Variants in BICD1 observed in about 807,000 individuals in gnomAD.
BICD1 encodes the protein BICD cargo adaptor 1, also known as protein bicaudal D homolog 1.
A neutral mutation model predicts 92.5 loss-of-function variants in BICD1; 35 were observed. That is an observed-to-expected ratio of 0.38 (90% CI 0.29 to 0.50). The LOEUF (loss-of-function observed/expected upper bound fraction) is 0.50. BICD1 is among the 20% of genes least tolerant of loss of function. The pLI is 0.93. For missense variants in BICD1, 950 were observed against 1,189.8 expected (o/e 0.80, Z 2.97); for synonymous variants, 429 against 465.1 (o/e 0.92, Z 1.00).
chr12:32,120,464 CTTTG>C lies in BICD1; in HGVS notation c.213+12924_213+12927del, dbSNP rs576195917. Reference sequence around the variant, plus strand: ...TGATAGAAGGTTCAGAATGATGGGTCTTTGTTTTTCTCTTGCATACTGCAGAGTA... The same window carrying C: ...TGATAGAAGGTTCAGAATGATGGGTCTTTTTCTCTTGCATACTGCAGAGTA... On this transcript the variant is annotated intron_variant, in intron 1 of 9. Transcript: ENST00000652176. 3.8e-3 allele frequency among the ~76,000 whole-genome samples: 582 copies of C among 152,214 alleles called. 9 individuals are homozygous for C. Among genetic ancestry groups the C allele is most frequent in the Middle Eastern group, 3.4e-3 (1 of 294 alleles).
chr12:32,185,380 C>T, intron 1 of BICD1, among the ~76,000 whole-genome samples: 1 of 152,024 alleles, frequency 6.6e-6, no homozygotes, highest in East Asian at 1.9e-4. Context: ...GGTAACAAAC[C>T]CCAAAATTTC....
chr12:32,328,387 C>T lies in BICD1; in HGVS notation c.1932C>T (p.Asp644=). ...TCAAGCATCTGCAGAAAGCTGTGGA[C>T]CGGTCCTTGCAACTGTCTCGTCAAA... The part of the protein sequence containing the change: ...DQIKHLQKAV[D]RSLQLSRQRA... The change falls in exon 5 of 10, where the codon GAC becomes GAT. Residue 644 remains aspartate (D), a synonymous_variant. Coordinates refer to ENST00000652176, the MANE Select transcript of BICD1 (RefSeq NM_001714.4). The surrounding 1 kb of genome is among the most constrained non-coding windows in gnomAD (Gnocchi z 4.4). The T allele has an allele frequency of 6.2e-7, 1 of 1,614,228 alleles. No individual in the cohort carries two copies. The highest frequency in any genetic ancestry group is 1.1e-5 in the South Asian group (1 of 91,084).
chr12:32,210,317 C>T (rs2121549805), intron 1 of BICD1, among the ~76,000 whole-genome samples: 1 of 152,130 alleles, frequency 6.6e-6, no homozygotes, highest in South Asian at 2.1e-4. Context: ...CACGTTCTGC[C>T]ACAGTTTTTG....
At chr12:32,167,581 A>C (rs1943803912) in intron 1 of BICD1, among the ~76,000 whole-genome samples, 1 of 152,030 alleles carries the variant, frequency 6.6e-6, no homozygotes, top group Non-Finnish European at 1.5e-5. Flanking sequence ...TCAGCCTCCC[A>C]AGTAGTTAGG....
At chr12:32,146,986 C>A (rs1943133299) in intron 1 of BICD1, among the ~76,000 whole-genome samples, 2 of 151,526 alleles carry the variant, frequency 1.3e-5, no homozygotes, top group Non-Finnish European at 2.9e-5. Context: ...GTCACCCAGG[C>A]TGGAATGTAG....
intron 1 of BICD1, among the ~76,000 whole-genome samples, chr12:32,132,707 G>A (rs1942594861): frequency 6.6e-6 from 1 of 152,204 alleles, no homozygotes; most frequent in African/African-American, 2.4e-5. Context: ...TGTGAGAGGG[G>A]CAGTGGAGAG....
intron 2 of BICD1, among the ~76,000 whole-genome samples, chr12:32,224,141 G>T (rs899701366): frequency 2.0e-5 from 3 of 152,206 alleles, no homozygotes; most frequent in Admixed American, 6.5e-5. Context: ...ACACATAGCT[G>T]AGTGAAGCGG....
In BICD1 at chr12:32,328,599, T is replaced by C. The variant is rs200547848; in HGVS notation, c.2100+44T>C. 5.1e-5 allele frequency: 80 copies of C among 1,561,930 alleles called. No homozygotes were observed. The highest frequency in any genetic ancestry group is 6.7e-5 in the Non-Finnish European group (77 of 1,154,456). On this transcript the variant is annotated intron_variant, in intron 5 of 9. Coordinates refer to ENST00000652176, the MANE Select transcript of BICD1 (RefSeq NM_001714.4). This position sits in a 1 kb window ranked among gnomAD's most constrained non-coding sequence, Gnocchi z 4.4. ...TGAAAGCATGCCAGTCAAAGCTTTC[T>C]TAACTAATTTATTCCCTAATTTTAT...
chr12:32,133,118 C>T lies in BICD1; in HGVS notation c.213+25574C>T, dbSNP rs556819453. On this transcript the variant is annotated intron_variant, in intron 1 of 9. Transcript: ENST00000652176. ...ATATTTCACACTTAAATTTAGGAGACGAAATATTTGCTTATTTGAATTTGA... is the reference window on the plus strand; with the variant it reads ...ATATTTCACACTTAAATTTAGGAGATGAAATATTTGCTTATTTGAATTTGA... Among the ~76,000 whole-genome samples, 512 of 152,146 alleles carry T rather than the reference C, an allele frequency of 3.4e-3. 2 individuals carry two copies. The highest frequency in any genetic ancestry group is 0.011 in the African/African-American group (464 of 41,488).
intron 2 of BICD1, among the ~76,000 whole-genome samples, chr12:32,282,270 G>T (rs1947437845): frequency 7.5e-6 from 1 of 133,512 alleles, no homozygotes. Flanking sequence ...GCCCAGGCTG[G>T]AGTGCAGTGA....
intron 2 of BICD1, among the ~76,000 whole-genome samples, chr12:32,244,475 C>G (rs1946319027): frequency 6.6e-6 from 1 of 152,166 alleles, no homozygotes; most frequent in Admixed American, 6.5e-5. Flanking sequence ...TTGAGGCAGG[C>G]TGTCATTAAT....
chr12:32,131,837 A>T (rs1391815076), intron 1 of BICD1, among the ~76,000 whole-genome samples: 20 of 152,202 alleles, frequency 1.3e-4, no homozygotes. Flanking sequence ...CAGCGGGTTG[A>T]CACACTTGTG....
intron 4 of BICD1, among the ~76,000 whole-genome samples, chr12:32,308,429 C>T (rs188048575): frequency 1.5e-4 from 23 of 152,292 alleles, no homozygotes; most frequent in African/African-American, 5.1e-4. Flanking sequence ...ATACCTTCCT[C>T]GTTAGAGTGT....
intron 1 of BICD1, among the ~76,000 whole-genome samples, chr12:32,147,788 G>A (rs891580553): frequency 1.8e-4 from 27 of 152,046 alleles, no homozygotes; most frequent in African/African-American, 4.8e-4. Context: ...GAGACAGAAT[G>A]GTTCCAGGGC....
chr12:32,177,807 A>G (rs139459486), intron 1 of BICD1, among the ~76,000 whole-genome samples: 14,924 of 111,590 alleles, frequency 0.13, 1,244 homozygotes, highest in Middle Eastern at 0.27. Context: ...ATAAATATTT[A>G]TATAAAATAT....
intron 1 of BICD1, among the ~76,000 whole-genome samples, chr12:32,133,748 A>T (rs529494910): frequency 6.6e-6 from 1 of 151,626 alleles, no homozygotes; most frequent in South Asian, 2.1e-4. Context: ...ATTCTGTGAA[A>T]CCAACTTTAT....
At chr12:32,278,299 A>G (rs1228157440) in intron 2 of BICD1, among the ~76,000 whole-genome samples, 1 of 152,256 alleles carries the variant, frequency 6.6e-6, no homozygotes, top group Non-Finnish European at 1.5e-5. Flanking sequence ...ATATTATCAT[A>G]GAAGAAAATT....
intron 1 of BICD1, among the ~76,000 whole-genome samples, chr12:32,179,870 ATC>A (rs1178966695): frequency 2.0e-5 from 3 of 151,400 alleles, no homozygotes; most frequent in Non-Finnish European, 4.4e-5. Context: ...GGCACCTGTA[ATC>A]CCAGCTACTC....
At chr12:32,333,708 T>C (rs1390055181) in intron 5 of BICD1, among the ~76,000 whole-genome samples, 1 of 152,224 alleles carries the variant, frequency 6.6e-6, no homozygotes, top group Non-Finnish European at 1.5e-5. Flanking sequence ...AGGCAATCCC[T>C]AAGTATACAC....
Sources: gnomAD v4.1 joint callset for allele counts (sites outside exome capture counted in the v4.1 genomes callset) on GRCh38, gnomAD v4.1.1 for gene constraint, Gnocchi (gnomAD v3.1) non-coding constraint, MANE v1.5 for transcripts, NCBI Gene and HGNC (gene_info 2026-07-23, HGNC 2026-07-21) for gene names.